LRRIQ3: variants seen among roughly 807,000 people sequenced by gnomAD.
The protein encoded by LRRIQ3 is leucine rich repeats and IQ motif containing 3.
A neutral mutation model predicts 59.3 loss-of-function variants in LRRIQ3; 75 were observed. The ratio of observed to expected loss-of-function variants is 1.26; its 90% CI spans 1.05 to 1.53. The LOEUF (loss-of-function observed/expected upper bound fraction) is 1.53. LRRIQ3 is among the 40% of genes most tolerant of loss of function. LRRIQ3 has a pLI of 0.00. For missense variants in LRRIQ3, 831 were observed against 710.0 expected, an observed-to-expected ratio of 1.17 and a Z score of -1.94; for synonymous variants, 250 against 231.3, an observed-to-expected ratio of 1.08 and a Z score of -0.73.
At chr1:74,065,814 T>C (rs1654849506) in intron 6 of LRRIQ3, among the ~76,000 whole-genome samples, 1 of 152,138 alleles carries the variant, frequency 6.6e-6, no homozygotes, top group Non-Finnish European at 1.5e-5. Context: ...AGAATGATCC[T>C]GAGATAGCCC....
chr1:74,176,868 T>G (rs1045513129), intron 3 of LRRIQ3, among the ~76,000 whole-genome samples: 5 of 152,122 alleles, frequency 3.3e-5, no homozygotes, highest in African/African-American at 1.2e-4. Context: ...CCTGGTTCCT[T>G]ACTTGGCCTC....
intron 6 of LRRIQ3, among the ~76,000 whole-genome samples, chr1:74,074,341 T>C (rs1646175632): frequency 6.6e-6 from 1 of 152,130 alleles, no homozygotes; most frequent in African/African-American, 2.4e-5. Context: ...GGATGAATTC[T>C]TCCAAAGCAT....
chr1:74,053,019 G>A (rs1298351797), intron 6 of LRRIQ3, among the ~76,000 whole-genome samples: 1 of 151,948 alleles, frequency 6.6e-6, no homozygotes, highest in Non-Finnish European at 1.5e-5. Flanking sequence ...ATTGGCAAGA[G>A]TATTGACAAA....
Position 74,041,916 on chromosome 1 carries a change from C to A in LRRIQ3, c.1015G>T (p.Glu339Ter), listed in dbSNP as rs765391855. 1.9e-5 allele frequency: 30 copies of A among 1,603,482 alleles called. No individual in the cohort carries two copies. Among genetic ancestry groups the A allele is most frequent in the Non-Finnish European group, 2.6e-5 (30 of 1,174,928 alleles). The change falls in exon 7 of 8, where the codon GAA (glutamate) becomes TAA (stop). Residue 339 changes from glutamate to a stop codon, truncating the protein, a stop_gained. Coordinates refer to ENST00000354431, the MANE Select transcript of LRRIQ3 (RefSeq NM_001105659.2). LOFTEE classifies it high-confidence loss of function. ...GTATCCAATTTTTCATCCACAATTT[C>A]ATCTTCAGACTCCTGACCTACATCA... ...LIQKGQESED[E>*]IVDEKLDTSF...
chr1:74,058,080 T>A (rs927991819), intron 6 of LRRIQ3, among the ~76,000 whole-genome samples: 2 of 151,956 alleles, frequency 1.3e-5, no homozygotes, highest in Non-Finnish European at 2.9e-5. Context: ...AAACAAATAC[T>A]AGTGAGAACA....
intron 2 of LRRIQ3, 145 bp from the exon 3 acceptor site, chr1:74,183,006 T>C (rs1412476339): frequency 1.4e-5 from 7 of 492,860 alleles, no homozygotes; most frequent in Admixed American, 3.8e-5. Flanking sequence ...TTTATAATTA[T>C]CCAATGATGG....
intron 4 of LRRIQ3, among the ~76,000 whole-genome samples, chr1:74,135,506 A>C (rs1224292407): frequency 1.3e-5 from 2 of 151,984 alleles, no homozygotes; most frequent in African/African-American, 2.4e-5. Flanking sequence ...GCTATAAATA[A>C]GTCTCAATAA....
chr1:74,158,944 C>T (rs546863761), intron 3 of LRRIQ3, among the ~76,000 whole-genome samples: 28 of 152,114 alleles, frequency 1.8e-4, no homozygotes, highest in African/African-American at 6.5e-4. Flanking sequence ...GAACTTTGGC[C>T]CACCATCAGC....
intron 4 of LRRIQ3, among the ~76,000 whole-genome samples, chr1:74,141,035 T>A (rs539940006): frequency 6.6e-6 from 1 of 152,044 alleles, no homozygotes; most frequent in South Asian, 2.1e-4. Context: ...ATTTGTCTAC[T>A]GTAATATTTA....
At position 74,175,855 on chromosome 1, in the gene LRRIQ3, T is replaced by C. The variant is rs374427113; in HGVS notation, c.573+6683A>G. On this transcript the variant is annotated intron_variant, in intron 3 of 7. Coordinates refer to ENST00000354431, the MANE Select transcript of LRRIQ3 (RefSeq NM_001105659.2). ...CAACTAATGTCACAACCATGTAATG[T>C]CACTAATTTACCAGATCAGGTGAAG... Among the ~76,000 whole-genome samples, 68 of 152,242 alleles carry C rather than the reference T, an allele frequency of 4.5e-4. 4 individuals are homozygous for C. In the South Asian group the frequency reaches 0.013, roughly 30 times the overall value.
chr1:74,041,692 AG>A lies in LRRIQ3; in HGVS notation c.1238del (p.Ala413ValfsTer3). 2.5e-6 allele frequency: 4 copies of A among 1,613,582 alleles called. No homozygotes were observed. The highest frequency in any genetic ancestry group is 3.4e-6 in the Non-Finnish European group (4 of 1,179,782). On this transcript the variant is annotated frameshift_variant, in exon 7 of 8. Transcript: ENST00000354431. LOFTEE classifies it high-confidence loss of function. ...CACTAAATGTTCGGAGTTTCATACC[AG>A]CTCTTTGTGGTGCAAAAAACTCTTT... ...SMKEFFAPQR[A>X]GMKLRTFSDI...
intron 1 of LRRIQ3, among the ~76,000 whole-genome samples, chr1:74,191,394 C>A (rs188544763): frequency 8.9e-4 from 135 of 152,070 alleles, no homozygotes; most frequent in Middle Eastern, 3.4e-3. Context: ...AAATAAAAAT[C>A]TCTTATTTTT....
chr1:74,098,862 A>T lies in LRRIQ3; in HGVS notation c.867+10532T>A, dbSNP rs183222119. 3.9e-5 allele frequency among the ~76,000 whole-genome samples: 6 copies of T among 152,110 alleles called. No individual in the cohort carries two copies. In the East Asian group the frequency reaches 1.2e-3, roughly 29 times the overall value. The stretch of plus-strand genomic sequence containing the variant: ...AGATGTTCTTTGAAACCAATGAGAA[A>T]AAAGACACAACATACCAGAATCTCT... On this transcript the variant is annotated intron_variant, in intron 5 of 7. Transcript: ENST00000354431.
At chr1:74,081,004 T>TA (rs1408805654) in intron 5 of LRRIQ3, among the ~76,000 whole-genome samples, 1 of 151,544 alleles carries the variant, frequency 6.6e-6, no homozygotes, top group Non-Finnish European at 1.5e-5. Context: ...CAGAAATAGT[T>TA]ACTAAAAAGT....
At chr1:74,099,088 A>C (rs1309397634) in intron 5 of LRRIQ3, among the ~76,000 whole-genome samples, 1 of 152,126 alleles carries the variant, frequency 6.6e-6, no homozygotes, top group Non-Finnish European at 1.5e-5. Flanking sequence ...GACACAAAAA[A>C]AACCTTCAAA....
chr1:74,135,867 T>C (rs941337258), intron 4 of LRRIQ3, among the ~76,000 whole-genome samples: 1 of 151,688 alleles, frequency 6.6e-6, no homozygotes, highest in African/African-American at 2.4e-5. Flanking sequence ...AGGAATCTCA[T>C]AGCAAGCAAG....
intron 5 of LRRIQ3, among the ~76,000 whole-genome samples, chr1:74,075,800 T>C (rs1482178587): frequency 1.3e-5 from 2 of 152,154 alleles, no homozygotes; most frequent in Non-Finnish European, 2.9e-5. Flanking sequence ...AAAATTCCTT[T>C]ATCATCTCTT....
intron 7 of LRRIQ3, among the ~76,000 whole-genome samples, chr1:74,030,044 C>G (rs1204452068): frequency 1.3e-5 from 2 of 151,954 alleles, no homozygotes; most frequent in African/African-American, 2.4e-5. Context: ...AATAAAATAC[C>G]TAGGGATCCA....
At chr1:74,060,218 CTTG>C (rs879051414) in intron 6 of LRRIQ3, among the ~76,000 whole-genome samples, 6,917 of 21,854 alleles carry the variant, frequency 0.32, 347 homozygotes, top group East Asian at 0.45. Flanking sequence ...TCTTCTTCTT[CTTG>C]TTCTTCTTCT....
Sources: allele counts gnomAD v4.1 joint callset (sites outside exome capture counted in the v4.1 genomes callset), GRCh38; gene constraint gnomAD v4.1.1; transcripts MANE v1.5; gene names NCBI Gene and HGNC (gene_info 2026-07-23, HGNC 2026-07-21).